Variants in PDXDC1 observed in about 807,000 individuals in gnomAD.
PDXDC1 encodes pyridoxal-dependent decarboxylase domain-containing protein 1.
PDXDC1 carries 42 observed loss-of-function variants against 100.1 expected under a neutral mutation model. The ratio of observed to expected loss-of-function variants is 0.42; its 90% confidence interval spans 0.33 to 0.54. The LOEUF is 0.54. Among genes scored for constraint, PDXDC1 ranks in the 20% least tolerant of loss-of-function variants. The pLI is 0.10. For missense variants in PDXDC1, 636 were observed against 979.2 expected (o/e 0.65, Z 4.68); for synonymous variants, 260 against 371.7 (o/e 0.70, Z 3.46).
chr16:15,124,166 A>T (rs1196946744), intron 16 of PDXDC1, among the ~76,000 whole-genome samples: 1 of 152,144 alleles, frequency 6.6e-6, no homozygotes, highest in Non-Finnish European at 1.5e-5. Context: ...TGGCCGCATC[A>T]TGTGTGATGG....
intron 16 of PDXDC1, among the ~76,000 whole-genome samples, chr16:15,126,211 T>C (rs1181409968): frequency 1.3e-5 from 2 of 150,660 alleles, no homozygotes; most frequent in African/African-American, 4.9e-5. Context: ...ATTTTTTGTA[T>C]TTTTAGTAGA....
At chr16:15,061,611 G>C (rs1221978138) in intron 16 of PDXDC1, 2 of 723,482 alleles carry the variant, frequency 2.8e-6, no homozygotes, top group African/African-American at 1.8e-5. Context: ...GTCGAACCTG[G>C]AAGTGCCACA....
chr16:15,092,449 A>T (rs982284342), intron 16 of PDXDC1: 2 of 991,514 alleles, frequency 2.0e-6, no homozygotes, highest in African/African-American at 3.2e-5. Flanking sequence ...CTTTAGTATA[A>T]CAGCAATAGT....
At chr16:15,044,720 A>C (rs2043975101) in intron 16 of PDXDC1, 1 of 379,822 alleles carries the variant, frequency 2.6e-6, no homozygotes, top group Non-Finnish European at 4.8e-6. Context: ...GCAGTGGCTC[A>C]CATCTGTAAT....
chr16:15,032,653 T>TAAAAAAAAAAAAAAAAAAAAAA, intron 17 of PDXDC1: 2 of 215,832 alleles, frequency 9.3e-6, no homozygotes, highest in Non-Finnish European at 8.1e-6. Flanking sequence ...GACCCTGCTT[T>TAAAAAAAAAAAAAAAAAAAAAA]AAAAAAAAAA....
At chr16:15,035,838 C>A (rs2043400837) in intron 22 of PDXDC1, among the ~76,000 whole-genome samples, 178 bp from the exon 23 acceptor site, 1 of 152,098 alleles carries the variant, frequency 6.6e-6, no homozygotes, top group African/African-American at 2.4e-5. Flanking sequence ...GCCTGGGGAG[C>A]ATGTTGGTGT....
At chr16:15,125,684 C>A in intron 16 of PDXDC1, 2 of 1,369,792 alleles carry the variant, frequency 1.5e-6, no homozygotes, top group Non-Finnish European at 2.1e-6. Context: ...CCCAGTAGAG[C>A]CCTCACCTCA....
At chr16:15,056,862 G>C (rs1225094275) in intron 16 of PDXDC1, among the ~76,000 whole-genome samples, 1 of 152,118 alleles carries the variant, frequency 6.6e-6, no homozygotes, top group African/African-American at 2.4e-5. Context: ...AGAGATCATC[G>C]ATTAACACGT....
chr16:15,136,332 G>A (rs891073904), intron 16 of PDXDC1, among the ~76,000 whole-genome samples: 14 of 152,156 alleles, frequency 9.2e-5, no homozygotes, highest in Non-Finnish European at 1.3e-4. Context: ...AGGGATCCCC[G>A]CGCAGGCCAC....
At chr16:15,104,597 C>A in intron 16 of PDXDC1, 1 of 1,599,518 alleles carries the variant, frequency 6.3e-7, no homozygotes, top group Non-Finnish European at 8.5e-7. Flanking sequence ...AGAGCAGACA[C>A]TCCGCAGGTG....
chr16:15,147,720 G>C, the PDXDC1 span, among the ~76,000 whole-genome samples: 2 of 151,904 alleles, frequency 1.3e-5, no homozygotes, highest in African/African-American at 2.4e-5. Flanking sequence ...ACAGAGTCTC[G>C]CTCTGTTGAC....
chr16:15,043,464 C>G (rs1242377361), intron 16 of PDXDC1, among the ~76,000 whole-genome samples: 3 of 152,168 alleles, frequency 2.0e-5, no homozygotes, highest in Non-Finnish European at 2.9e-5. Context: ...ATCACTTGAG[C>G]CCAGTAGGTT....
At chr16:15,129,234 C>G (rs958481681) in intron 16 of PDXDC1, among the ~76,000 whole-genome samples, 52 of 151,564 alleles carry the variant, frequency 3.4e-4, no homozygotes, top group Admixed American at 2.9e-3. Context: ...TCTGGCAGGC[C>G]GAGGCAGGCG....
At chr16:15,043,246 G>T (rs1244750463), downstream of PDXDC1, among the ~76,000 whole-genome samples, 1 of 152,058 alleles carries the variant, frequency 6.6e-6, no homozygotes. Flanking sequence ...ATGTTGCCCA[G>T]GCTGGTGTCG....
chr16:15,075,925 T>C (rs757294669), intron 16 of PDXDC1, among the ~76,000 whole-genome samples: 7 of 152,044 alleles, frequency 4.6e-5, no homozygotes, highest in Admixed American at 3.9e-4. Flanking sequence ...AGGACCACCC[T>C]TGCACTCTTT....
the PDXDC1 span, among the ~76,000 whole-genome samples, chr16:15,144,834 G>C: frequency 6.6e-6 from 1 of 152,202 alleles, no homozygotes; most frequent in Non-Finnish European, 1.5e-5. Flanking sequence ...AGGGCCGTTT[G>C]GAGACAAGCC....
chr16:15,087,165 C>T (rs1373047684), intron 16 of PDXDC1, among the ~76,000 whole-genome samples: 1 of 151,932 alleles, frequency 6.6e-6, no homozygotes, highest in African/African-American at 2.4e-5. Context: ...AGAAAAAGCC[C>T]CTAATTTGTG....
intron 16 of PDXDC1, chr16:15,094,429 A>C: frequency 4.9e-6 from 3 of 612,658 alleles, no homozygotes; most frequent in South Asian, 2.0e-5. Flanking sequence ...GACTTGTTCC[A>C]GCCAGCGCTA....
At chr16:14,984,720 C>T (rs1249782271) in intron 1 of PDXDC1, among the ~76,000 whole-genome samples, 1 of 152,082 alleles carries the variant, frequency 6.6e-6, no homozygotes, top group Non-Finnish European at 1.5e-5. Flanking sequence ...TGGTCTCAAA[C>T]TCCTATCGTG....
Sources: allele counts gnomAD v4.1 joint callset (sites outside exome capture counted in the v4.1 genomes callset), GRCh38; gene constraint gnomAD v4.1.1; transcripts MANE v1.5; gene names NCBI Gene and HGNC (gene_info 2026-07-23, HGNC 2026-07-21).